PRRC2B: variants seen among roughly 807,000 people sequenced by gnomAD.
The protein encoded by PRRC2B is proline rich coiled-coil 2B, also known as protein PRRC2B.
In PRRC2B, 68 loss-of-function variants were observed where a neutral mutation model predicts 242.3. That is an observed-to-expected ratio of 0.28 (90% confidence interval 0.23 to 0.34). The LOEUF (loss-of-function observed/expected upper bound fraction) is 0.34. Ranked by LOEUF, PRRC2B falls within the 10% of genes least tolerant of loss-of-function variation. PRRC2B has a pLI of 1.00. For missense variants in PRRC2B, 2,835 were observed against 2,954.8 expected (o/e 0.96, Z 0.94); for synonymous variants, 1,228 against 1,173.6 (o/e 1.05, Z -0.95).
chr9:131,492,283 G>A, intron 30 of PRRC2B, 23 bp downstream of exon 30: 1 of 1,591,514 alleles, frequency 6.3e-7, no homozygotes, highest in African/African-American at 1.3e-5. Flanking sequence ...CCTGGGGACT[G>A]CGTGCTGTGT....
chr9:131,441,801 G>A (rs1838587983), intron 5 of PRRC2B, among the ~76,000 whole-genome samples: 1 of 152,166 alleles, frequency 6.6e-6, no homozygotes, highest in Non-Finnish European at 1.5e-5. Flanking sequence ...AGACCTGATT[G>A]CATGTTTGGG....
intron 9 of PRRC2B, among the ~76,000 whole-genome samples, chr9:131,450,623 T>C: frequency 6.6e-6 from 1 of 151,890 alleles, no homozygotes; most frequent in East Asian, 1.9e-4. Flanking sequence ...GGTCTCACTC[T>C]GCCACACAGG....
chr9:131,461,889 TAC>T (rs1356302078), intron 11 of PRRC2B, among the ~76,000 whole-genome samples: 1 of 152,234 alleles, frequency 6.6e-6, no homozygotes, highest in African/African-American at 2.4e-5. Flanking sequence ...GCCCCTCAGC[TAC>T]AGTCTTCTTA....
chr9:131,425,495 T>C lies in PRRC2B; in HGVS notation c.-51-4599T>C, dbSNP rs540091739. Among the ~76,000 whole-genome samples, 4 of 152,004 alleles carry C rather than the reference T, an allele frequency of 2.6e-5. No individual in the cohort carries two copies. In the East Asian group the frequency reaches 7.8e-4, roughly 30 times the overall value. ...AAGAGGACTTTTGTTGTTGTTGTTG[T>C]TGTTGTTTTTTGAGATGGAGTTTCG... is the stretch of plus-strand genomic sequence containing the variant. On this transcript the variant is annotated intron_variant, in intron 1 of 31. Coordinates refer to ENST00000683519, the MANE Select transcript of PRRC2B (RefSeq NM_013318.4).
chr9:131,493,600 G>A (rs1213925584), intron 30 of PRRC2B, among the ~76,000 whole-genome samples: 1 of 152,264 alleles, frequency 6.6e-6, no homozygotes, highest in East Asian at 1.9e-4. Flanking sequence ...GAAAGTGGAA[G>A]CCTTAAACTA....
intron 1 of PRRC2B, among the ~76,000 whole-genome samples, chr9:131,410,651 T>C (rs1837484645): frequency 6.6e-6 from 1 of 152,246 alleles, no homozygotes; most frequent in South Asian, 2.1e-4. Flanking sequence ...AAAATGGAAG[T>C]ACTAATACCC....
At chr9:131,473,779 A>C (rs1943609764) in intron 15 of PRRC2B, 55 bp downstream of exon 15, 8 of 1,397,456 alleles carry the variant, frequency 5.7e-6, no homozygotes, top group African/African-American at 1.4e-5. Context: ...TCCAGGTCCT[A>C]ATTGAGAGGG....
chr9:131,432,142 T>C (rs1838197635), intron 2 of PRRC2B, among the ~76,000 whole-genome samples: 1 of 152,192 alleles, frequency 6.6e-6, no homozygotes, highest in African/African-American at 2.4e-5. Flanking sequence ...CTAGAACTTG[T>C]TGGAAAGGTT....
chr9:131,417,481 T>C (rs1362693078), intron 1 of PRRC2B, among the ~76,000 whole-genome samples: 1 of 152,018 alleles, frequency 6.6e-6, no homozygotes, highest in African/African-American at 2.4e-5. Flanking sequence ...ACCTTCCCCT[T>C]TCATGCAAGG....
At chr9:131,484,020 C>T (rs1160228393) in intron 23 of PRRC2B, among the ~76,000 whole-genome samples, 1 of 152,156 alleles carries the variant, frequency 6.6e-6, no homozygotes, top group East Asian at 1.9e-4. Flanking sequence ...CAGAGGATTC[C>T]AAGGAATGTG....
chr9:131,444,427 C>A, intron 6 of PRRC2B, 99 bp downstream of exon 6: 1 of 1,317,646 alleles, frequency 7.6e-7, no homozygotes, highest in Non-Finnish European at 1.0e-6. Context: ...CTGGGGTCTC[C>A]GGTTCGAGCT....
chr9:131,443,783 C>T (rs376884256), intron 5 of PRRC2B, among the ~76,000 whole-genome samples: 2 of 152,178 alleles, frequency 1.3e-5, no homozygotes, highest in Non-Finnish European at 2.9e-5. Flanking sequence ...TGGCAGCACA[C>T]TCTGTAGGTG....
intron 1 of PRRC2B, among the ~76,000 whole-genome samples, chr9:131,404,241 T>C (rs1052325341): frequency 1.4e-5 from 2 of 141,956 alleles, no homozygotes; most frequent in East Asian, 2.0e-4. Context: ...TTTTTGGTGG[T>C]GGGGACAGAG....
At chr9:131,405,680 A>G (rs1246616957) in intron 1 of PRRC2B, among the ~76,000 whole-genome samples, 2 of 152,142 alleles carry the variant, frequency 1.3e-5, no homozygotes, top group Admixed American at 6.5e-5. Context: ...GTGCTCTGGC[A>G]AGAGGAGGTG....
At chr9:131,389,912 G>GT (rs1229622613), upstream of PRRC2B, among the ~76,000 whole-genome samples, 69 of 136,440 alleles carry the variant, frequency 5.1e-4, 1 homozygote, top group Non-Finnish European at 7.3e-4. Context: ...TCGGAACATG[G>GT]TTGTTTTTTT....
chr9:131,378,138 G>A (rs1473023224), intron 1 of PRRC2B, among the ~76,000 whole-genome samples: 1 of 151,858 alleles, frequency 6.6e-6, no homozygotes, highest in African/African-American at 2.4e-5. Flanking sequence ...GTGAAACCCT[G>A]TCTCTACTAA....
chr9:131,399,451 C>T (rs1296735542), intron 1 of PRRC2B, among the ~76,000 whole-genome samples: 4 of 151,076 alleles, frequency 2.6e-5, no homozygotes, highest in Admixed American at 2.0e-4. Context: ...TGGTGGCGGG[C>T]GCCTGTAGTC....
In PRRC2B at chr9:131,497,481, GCACCCCC is replaced by G. The variant is rs1175927763; in HGVS notation, c.*1612_*1618del. ...ACACCTAGAGGAGGGGGCCGGGGAT[GCACCCCC>G]CACCAGAGGCTGCCTTCAGCGTCTC... On this transcript the variant is annotated 3_prime_UTR_variant, in exon 32 of 32. Transcript: ENST00000683519. The G allele has an allele frequency of 6.6e-6, 1 of 152,270 alleles. No individual in the cohort carries two copies. The highest frequency in any genetic ancestry group is 2.4e-5 in the African/African-American group (1 of 41,446). The allele number at this position is 152,270 out of a possible 1,614,324, so 9.4% of individuals were successfully genotyped here. A position where few individuals can be genotyped will look rare whatever the true frequency, so the allele number is the denominator to read the frequency against.
intron 1 of PRRC2B, among the ~76,000 whole-genome samples, chr9:131,402,034 G>C (rs1374976756): frequency 3.3e-5 from 5 of 151,754 alleles, no homozygotes; most frequent in Admixed American, 1.3e-4. Flanking sequence ...GCAATGGCAC[G>C]ATCTCGGCTC....
Sources: allele counts gnomAD v4.1 joint callset (sites outside exome capture counted in the v4.1 genomes callset), GRCh38; gene constraint gnomAD v4.1.1; transcripts MANE v1.5; gene names NCBI Gene and HGNC (gene_info 2026-07-23, HGNC 2026-07-21).